CCDC144A: variants seen among roughly 807,000 people sequenced by gnomAD.
The protein encoded by CCDC144A is coiled-coil domain containing 144A.
Under a neutral mutation model 143.8 loss-of-function variants are expected in CCDC144A, and 41 were observed. That is an observed-to-expected ratio of 0.29 (90% CI 0.22 to 0.37). CCDC144A has a LOEUF of 0.37. Ranked by LOEUF, CCDC144A falls within the 10% of genes least tolerant of loss-of-function variation. The pLI is 1.00. For synonymous variants in CCDC144A, 242 were observed against 517.9 expected, an observed-to-expected ratio of 0.47 and a Z score of 7.23; for missense variants, 637 against 1,488.8, an observed-to-expected ratio of 0.43 and a Z score of 9.41.
the CCDC144A span, chr17:16,684,313 GT>G: frequency 2.7e-6 from 2 of 738,618 alleles, no homozygotes; most frequent in South Asian, 3.0e-5. Context: ...TATGTAAGTG[GT>G]TTAATGACAT....
At chr17:16,683,491 G>A in the CCDC144A span, 6 of 1,464,156 alleles carry the variant, frequency 4.1e-6, no homozygotes, top group Non-Finnish European at 5.7e-6. Context: ...TTGCCCTGCC[G>A]CCGCTCTCGC....
chr17:16,685,449 C>T (rs1352672729), upstream of CCDC144A, among the ~76,000 whole-genome samples: 3 of 151,982 alleles, frequency 2.0e-5, no homozygotes, highest in East Asian at 3.9e-4. Flanking sequence ...GGCGTGGTCT[C>T]GGCTCACTGC....
chr17:16,769,489 T>C (rs1786400943), intron 15 of CCDC144A, among the ~76,000 whole-genome samples: 1 of 152,260 alleles, frequency 6.6e-6, no homozygotes, highest in African/African-American at 2.4e-5. Flanking sequence ...TTTTCAGTTT[T>C]TCTATAAATA....
rs1242388761 is a variant in CCDC144A at position 16,708,783 on chromosome 17, T to G, written c.739-13T>G. ...AAAACAAGCAAATTAATCTTCCACT[T>G]TTGCATCTGCAGAAAACGTCTCAAG... On this transcript the variant is annotated splice_polypyrimidine_tract_variant and intron_variant, in intron 4 of 16. Coordinates refer to ENST00000399273, the MANE Select transcript of CCDC144A (RefSeq NM_001382000.1). The G allele has an allele frequency of 3.1e-6, 5 of 1,611,428 alleles. No individual in the cohort carries two copies. In the African/African-American group the frequency reaches 6.7e-5, roughly 22 times the overall value.
Position 16,774,877 on chromosome 17 carries a change from C to T in CCDC144A, c.*1244C>T, listed in dbSNP as rs1358761616. On this transcript the variant is annotated 3_prime_UTR_variant, in exon 17 of 17. Coordinates refer to ENST00000399273, the MANE Select transcript of CCDC144A (RefSeq NM_001382000.1). ...CTCCCTTCTTTCACCCGCCACCATCCCACATGCCCCTGTGTGTGTTGTTCC... is the reference window on the plus strand; with the variant it reads ...CTCCCTTCTTTCACCCGCCACCATCTCACATGCCCCTGTGTGTGTTGTTCC... The T allele has an allele frequency of 2.1e-5, 3 of 144,108 alleles. No individual in the cohort carries two copies. The highest frequency in any genetic ancestry group is 8.6e-5 in the African/African-American group (3 of 34,980). 8.9% of individuals were successfully genotyped at this position (144,108 alleles called of 1,614,324 possible).
chr17:16,722,126 C>T lies in CCDC144A; in HGVS notation c.1891+1468C>T, dbSNP rs145305001. ...GGTGTTCCCTTGTATTCTTTGGTTA[C>T]TGAGAGGGATTTTTTTTTTAAATCA... On this transcript the variant is annotated intron_variant, in intron 8 of 16. Coordinates refer to ENST00000399273, the MANE Select transcript of CCDC144A (RefSeq NM_001382000.1). 3.0e-3 allele frequency among the ~76,000 whole-genome samples: 459 copies of T among 152,084 alleles called. 3 individuals are homozygous for T. The highest frequency in any genetic ancestry group is 0.01 in the African/African-American group (432 of 41,466).
intron 8 of CCDC144A, among the ~76,000 whole-genome samples, chr17:16,726,242 G>A (rs1567595965): frequency 6.6e-6 from 1 of 151,508 alleles, no homozygotes. Flanking sequence ...TTAGCCGGGC[G>A]CGGTGGCAGG....
rs970640980 is a variant in CCDC144A, at chr17:16,748,931, G to A, written c.3373-12494G>A. Among the ~76,000 whole-genome samples, 907 of 152,036 alleles carry A rather than the reference G, an allele frequency of 6.0e-3. 9 individuals carry two copies. The highest frequency in any genetic ancestry group is 0.027 in the Middle Eastern group (8 of 294). On this transcript the variant is annotated intron_variant, in intron 12 of 16. Transcript: ENST00000399273. Reference sequence around the variant, plus strand: ...TTACTGTGGGATTGGTTGTAATGTCGTCTTTGTTGTTTCTGATTGTGCTTA... The same window carrying A: ...TTACTGTGGGATTGGTTGTAATGTCATCTTTGTTGTTTCTGATTGTGCTTA...
chr17:16,673,364 AC>A, the CCDC144A span, among the ~76,000 whole-genome samples: 2 of 151,292 alleles, frequency 1.3e-5, no homozygotes, highest in African/African-American at 4.9e-5. Context: ...TACATTTAAT[AC>A]ATGTATCAAA....
intron 15 of CCDC144A, among the ~76,000 whole-genome samples, chr17:16,768,816 C>A (rs1915712148): frequency 6.6e-6 from 1 of 150,896 alleles, no homozygotes; most frequent in Non-Finnish European, 1.5e-5. Flanking sequence ...TAACTACTCC[C>A]CTCTTTAAAG....
At chr17:16,669,930 C>G in the CCDC144A span, among the ~76,000 whole-genome samples, 3 of 152,112 alleles carry the variant, frequency 2.0e-5, no homozygotes, top group African/African-American at 4.8e-5. Context: ...TGGCTATAAT[C>G]CCAGCCCTTT....
At chr17:16,771,842 T>C (rs1396975273) in intron 15 of CCDC144A, 135 bp from the exon 16 acceptor site, 1 of 675,774 alleles carries the variant, frequency 1.5e-6, no homozygotes, top group Non-Finnish European at 2.4e-6. Context: ...TTATATGATA[T>C]TTTTAATTTA....
In CCDC144A at chr17:16,709,655, C is replaced by T. The variant is rs752947599; in HGVS notation, c.1578+20C>T. On this transcript the variant is annotated intron_variant, in intron 5 of 16. Coordinates refer to ENST00000399273, the MANE Select transcript of CCDC144A (RefSeq NM_001382000.1). ...AAAGATGTAGGGTTTTACTTGCTGC[C>T]ACTCTTTGTTTTTTCTCTCAATTAT... 6.2e-7 allele frequency: 1 copy of T among 1,604,358 alleles called. No individual in the cohort carries two copies. Among genetic ancestry groups the T allele is most frequent in the Non-Finnish European group, 8.5e-7 (1 of 1,177,882 alleles).
intron 15 of CCDC144A, among the ~76,000 whole-genome samples, chr17:16,769,303 TAGAG>T (rs1287862247): frequency 6.6e-6 from 1 of 152,218 alleles, no homozygotes; most frequent in East Asian, 1.9e-4. Context: ...AAGCTGTAGG[TAGAG>T]AGAGTCTAAG....
intron 12 of CCDC144A, among the ~76,000 whole-genome samples, chr17:16,740,799 T>C (rs1425736619): frequency 2.0e-5 from 3 of 152,264 alleles, no homozygotes; most frequent in African/African-American, 7.2e-5. Flanking sequence ...TTCATTGAAA[T>C]CAGGTACAAT....
intron 12 of CCDC144A, among the ~76,000 whole-genome samples, chr17:16,751,052 T>G (rs1416346380): frequency 6.6e-6 from 1 of 152,244 alleles, no homozygotes; most frequent in Non-Finnish European, 1.5e-5. Flanking sequence ...CTGGTGAGAA[T>G]TTATAGCTGG....
rs564197876 is a variant in CCDC144A at position 16,748,697 on chromosome 17, G to T, written c.3373-12728G>T. 3.5e-4 allele frequency among the ~76,000 whole-genome samples: 54 copies of T among 152,262 alleles called. 1 individual carries two copies. In the South Asian group the frequency reaches 0.011, roughly 30 times the overall value. ...TTCTTTGTATGTCTGGTAGAAATTG[G>T]CTATGAGTCAGTCTGATCTGAATCT... On this transcript the variant is annotated intron_variant, in intron 12 of 16. Transcript: ENST00000399273.
intron 8 of CCDC144A, among the ~76,000 whole-genome samples, chr17:16,726,238 G>A (rs1913412016): frequency 6.6e-6 from 1 of 151,494 alleles, no homozygotes; most frequent in South Asian, 2.1e-4. Context: ...AAAATTAGCC[G>A]GGCGCGGTGG....
chr17:16,696,676 A>T (rs942337772), intron 2 of CCDC144A, among the ~76,000 whole-genome samples: 1 of 151,784 alleles, frequency 6.6e-6, no homozygotes, highest in Non-Finnish European at 1.5e-5. Context: ...GAAAGAAATG[A>T]GTAGAACTTT....
Sources: gnomAD v4.1 joint callset for allele counts (sites outside exome capture counted in the v4.1 genomes callset) on GRCh38, gnomAD v4.1.1 for gene constraint, MANE v1.5 for transcripts, NCBI Gene and HGNC (gene_info 2026-07-23, HGNC 2026-07-21) for gene names.